Variants in ZNF468 observed in about 807,000 individuals in gnomAD.
The protein encoded by ZNF468 is zinc finger protein 468.
A neutral mutation model predicts 7.2 loss-of-function variants in ZNF468; 8 were observed. That is an observed-to-expected ratio of 1.11 (90% CI 0.65 to 2.01). ZNF468 has a LOEUF of 2.01. Ranked by LOEUF, ZNF468 falls within the 30% of genes most tolerant of loss-of-function variation. ZNF468 has a pLI of 0.00. For missense variants in ZNF468, 608 were observed against 626.5 expected (o/e 0.97, Z 0.31); for synonymous variants, 218 against 214.4 (o/e 1.02, Z -0.15).
rs148545216 is a variant in ZNF468 at position 52,840,764 on chromosome 19, A to G, written c.1530T>C (p.Leu510=). The change falls in exon 4 of 4, where the codon CTT becomes CTC. Residue 510 remains leucine, a synonymous_variant. Coordinates refer to ENST00000595646, the MANE Select transcript of ZNF468 (RefSeq NM_001008801.2). ...CACTATGAAGCCTATGATGGTATAC[A>G]AGGGATGACATCTGACTGAAGGTCT... ...CGKTFSQMSS[L]VYHHRLHSGE... 3.6e-4 allele frequency: 583 copies of G among 1,613,416 alleles called. No homozygotes were observed. The highest frequency in any genetic ancestry group is 4.5e-4 in the Non-Finnish European group (536 of 1,179,684).
In ZNF468 at chr19:52,840,978, T is replaced by A. The variant is rs1171647180; in HGVS notation, c.1316A>T (p.Tyr439Phe). ...AGCCTTGTCACAAACCTTACATTTGTATGGTTTCTCTCCAGTATGAATCCT... is the reference window on the plus strand; with the variant it reads ...AGCCTTGTCACAAACCTTACATTTGAATGGTTTCTCTCCAGTATGAATCCT... ...HRRIHTGEKP[Y>F]KCKVCDKAFQ... Residue 439 changes from tyrosine to phenylalanine, a missense_variant, in exon 4 of 4, where the codon TAC (tyrosine) becomes TTC (phenylalanine). By Grantham distance (22) the Tyr-to-Phe change is conservative. Coordinates refer to ENST00000595646, the MANE Select transcript of ZNF468 (RefSeq NM_001008801.2). 1 of 1,614,038 alleles carries A rather than the reference T, an allele frequency of 6.2e-7. No individual in the cohort carries two copies. Among genetic ancestry groups the A allele is most frequent in the South Asian group, 1.1e-5 (1 of 91,074 alleles).
chr19:52,848,941 A>T, intron 3 of ZNF468, 146 bp downstream of exon 3: 1 of 1,384,610 alleles, frequency 7.2e-7, no homozygotes, highest in Non-Finnish European at 9.7e-7. Flanking sequence ...GGACAGTGAA[A>T]GTCCAGATGC....
intron 2 of ZNF468, chr19:52,849,471 G>T: frequency 1.3e-6 from 1 of 742,994 alleles, no homozygotes; most frequent in Non-Finnish European, 1.9e-6. Context: ...AAAAATCAAT[G>T]TAGGGTTCCT....
chr19:52,842,511 G>A lies in ZNF468; in HGVS notation c.143-360C>T, dbSNP rs191868661. On this transcript the variant is annotated intron_variant, in intron 3 of 3. Transcript: ENST00000595646. ...AATATATATTCTCCATATTTACAGC[G>A]TATTTAGGGTATACAAATAAATGCT... is the stretch of plus-strand genomic sequence containing the variant. Among the ~76,000 whole-genome samples, 32 of 152,002 alleles carry A rather than the reference G, an allele frequency of 2.1e-4. No homozygotes were observed. The East Asian group carries it at 4.1e-3, about 19-fold the overall frequency.
intron 3 of ZNF468, among the ~76,000 whole-genome samples, chr19:52,845,551 G>A (rs1302110056): frequency 6.6e-6 from 1 of 151,930 alleles, no homozygotes; most frequent in Non-Finnish European, 1.5e-5. Context: ...CGCAGCTACT[G>A]GAGAGGCTGA....
At chr19:52,848,216 G>T (rs1323801492) in intron 3 of ZNF468, among the ~76,000 whole-genome samples, 2 of 151,836 alleles carry the variant, frequency 1.3e-5, no homozygotes, top group Non-Finnish European at 2.9e-5. Context: ...GATTTTTTTT[G>T]CTATTTTCAC....
intron 1 of ZNF468, among the ~76,000 whole-genome samples, chr19:52,855,801 A>G (rs1255806824): frequency 6.6e-6 from 1 of 152,224 alleles, no homozygotes; most frequent in African/African-American, 2.4e-5. Context: ...TATTTTGCCA[A>G]TCATTTCAGG....
rs916065548 is a variant in ZNF468, at chr19:52,849,383, C to T, written c.16-170G>A. On this transcript the variant is annotated intron_variant, in intron 2 of 3. Coordinates refer to ENST00000595646, the MANE Select transcript of ZNF468 (RefSeq NM_001008801.2). Reference sequence around the variant, plus strand: ...ATGTCTCCCCAGATGTATTTTATTACACTTTTTGAGTATTATCAAGACATA... The same window carrying T: ...ATGTCTCCCCAGATGTATTTTATTATACTTTTTGAGTATTATCAAGACATA... 3.9e-5 allele frequency: 52 copies of T among 1,340,152 alleles called. No individual in the cohort carries two copies. The African/African-American group carries it at 4.7e-4, about 12-fold the overall frequency. 83.0% of individuals were successfully genotyped at this position (1,340,152 alleles called of 1,614,324 possible).
Position 52,842,072 on chromosome 19 carries a change from C to A in ZNF468, c.222G>T (p.Leu74Phe). The A allele has an allele frequency of 6.2e-7, 1 of 1,613,906 alleles. No homozygotes were observed. Among genetic ancestry groups the A allele is most frequent in the East Asian group, 2.2e-5 (1 of 44,864 alleles). The change falls in exon 4 of 4, where the codon TTG (leucine) becomes TTT (phenylalanine). Residue 74 changes from leucine (L) to phenylalanine (F), a missense_variant. By Grantham distance (22) the Leu-to-Phe change is conservative (BLOSUM62 0). Transcript: ENST00000595646. ...CAATGTGATGACTTGCTTGTCTGTG[C>A]AATGTCCCTGTGTGGATCACTTCTG... ...GNTEVIHTGT[L>F]HRQASHHIGE...
chr19:52,840,068 G>A lies in ZNF468; in HGVS notation c.*657C>T. ...TTCTCTCCAGTGTGAATTCTAGTAT[G>A]GGGTGCCACGTGTGAATCATTCCCG... is the stretch of plus-strand genomic sequence containing the variant. On this transcript the variant is annotated 3_prime_UTR_variant, in exon 4 of 4. Transcript: ENST00000595646. 9.4e-7 allele frequency: 1 copy of A among 1,060,964 alleles called. No individual in the cohort carries two copies. The highest frequency in any genetic ancestry group is 1.3e-6 in the Non-Finnish European group (1 of 783,110). 65.7% of individuals were successfully genotyped at this position (1,060,964 alleles called of 1,614,324 possible). A position where few individuals can be genotyped will look rare whatever the true frequency, so the allele number is the denominator to read the frequency against.
intron 3 of ZNF468, among the ~76,000 whole-genome samples, chr19:52,846,896 G>C (rs1746519549): frequency 6.6e-6 from 1 of 152,172 alleles, no homozygotes; most frequent in African/African-American, 2.4e-5. Context: ...AGCTACTCAG[G>C]AATCTGGGGA....
rs1209422911 is a variant in ZNF468 at position 52,849,116 on chromosome 19, A to G, written c.113T>C (p.Leu38Pro). Residue 38 changes from leucine to proline, a missense_variant, in exon 3 of 4, where the codon CTG (leucine) becomes CCG (proline). Physicochemically the swap from Leu to Pro is moderately conservative, Grantham distance 98 (BLOSUM62 -3). Transcript: ENST00000595646. ...GGAGACGAGGTTCCTATAATTCTCCAGCATCACGTCCCTGTATAAAGTCCT... is the reference window on the plus strand; with the variant it reads ...GGAGACGAGGTTCCTATAATTCTCCGGCATCACGTCCCTGTATAAAGTCCT... ...AQRTLYRDVMLENYRNLVSLD... is the reference protein window; with the variant it reads ...AQRTLYRDVMPENYRNLVSLD... The G allele has an allele frequency of 1.2e-6, 2 of 1,613,998 alleles. No individual in the cohort carries two copies. The highest frequency in any genetic ancestry group is 1.1e-5 in the South Asian group (1 of 91,060).
intron 2 of ZNF468, among the ~76,000 whole-genome samples, chr19:52,850,425 A>G (rs900681259): frequency 6.6e-6 from 1 of 152,186 alleles, no homozygotes; most frequent in African/African-American, 2.4e-5. Context: ...TCATTCAGCC[A>G]ATTTCCAATG....
intron 3 of ZNF468, among the ~76,000 whole-genome samples, chr19:52,847,149 C>T (rs1005791623): frequency 1.3e-5 from 2 of 152,136 alleles, no homozygotes; most frequent in Middle Eastern, 3.2e-3. Flanking sequence ...AAAATTGTTT[C>T]GCTTTGAGAT....
At chr19:52,844,731 G>A (rs2063329664) in intron 3 of ZNF468, among the ~76,000 whole-genome samples, 1 of 152,068 alleles carries the variant, frequency 6.6e-6, no homozygotes, top group Admixed American at 6.6e-5. Context: ...TAGAGATGGG[G>A]TTTCACCATG....
At chr19:52,854,919 G>C (rs541811668) in intron 1 of ZNF468, among the ~76,000 whole-genome samples, 1 of 152,128 alleles carries the variant, frequency 6.6e-6, no homozygotes, top group Non-Finnish European at 1.5e-5. Flanking sequence ...CTACTCGGGA[G>C]GCTGAGGTAG....
In ZNF468 at chr19:52,840,201, T is replaced by G; in HGVS notation, c.*524A>C. On this transcript the variant is annotated 3_prime_UTR_variant, in exon 4 of 4. Coordinates refer to ENST00000595646, the MANE Select transcript of ZNF468 (RefSeq NM_001008801.2). ...GAAAACTTTGTCACATTGTTCACGTTTGTAAGATTTCTATGCAGTATGAAG... is the reference window on the plus strand; with the variant it reads ...GAAAACTTTGTCACATTGTTCACGTGTGTAAGATTTCTATGCAGTATGAAG... 2.6e-6 allele frequency: 1 copy of G among 383,548 alleles called. No homozygotes were observed. Among genetic ancestry groups the G allele is most frequent in the Non-Finnish European group, 5.2e-6 (1 of 193,976 alleles). 23.8% of individuals were successfully genotyped at this position (383,548 alleles called of 1,614,324 possible). A position where few individuals can be genotyped will look rare whatever the true frequency, so the allele number is the denominator to read the frequency against.
intron 3 of ZNF468, among the ~76,000 whole-genome samples, chr19:52,847,776 C>T: frequency 6.6e-6 from 1 of 152,132 alleles, no homozygotes; most frequent in East Asian, 1.9e-4. Flanking sequence ...GATACAAATT[C>T]CTTTGCTCAC....
chr19:52,854,945 C>T (rs2063423923), intron 1 of ZNF468, among the ~76,000 whole-genome samples: 1 of 151,992 alleles, frequency 6.6e-6, no homozygotes, highest in African/African-American at 2.4e-5. Flanking sequence ...CTGCTTGAAC[C>T]TGCGCGACCC....
Sources: allele counts gnomAD v4.1 joint callset (sites outside exome capture counted in the v4.1 genomes callset), GRCh38; gene constraint gnomAD v4.1.1; transcripts MANE v1.5; gene names NCBI Gene and HGNC (gene_info 2026-07-23, HGNC 2026-07-21).